The following TBC1D22A variants were observed in gnomAD, a reference collection of about 807,000 sequenced individuals.
The protein encoded by TBC1D22A is TBC1 domain family member 22A.
A neutral mutation model predicts 60.2 loss-of-function variants in TBC1D22A; 38 were observed. The ratio of observed to expected loss-of-function variants is 0.63; its 90% confidence interval spans 0.49 to 0.83. The LOEUF (loss-of-function observed/expected upper bound fraction) is 0.83. Ranked by LOEUF, TBC1D22A falls within the 40% of genes least tolerant of loss-of-function variation. The pLI is 0.00. For missense variants in TBC1D22A, 628 were observed against 701.0 expected (o/e 0.90, Z 1.18); for synonymous variants, 302 against 281.7 (o/e 1.07, Z -0.72).
At chr22:47,121,258 C>T (rs564295074) in intron 12 of TBC1D22A, among the ~76,000 whole-genome samples, 12 of 152,346 alleles carry the variant, frequency 7.9e-5, no homozygotes, top group African/African-American at 2.9e-4. Flanking sequence ...TGGCGTAAAG[C>T]AGGCATGCTG....
rs111796733 is a variant in TBC1D22A, at chr22:47,155,744, G to A, written c.1426-17754G>A. Among the ~76,000 whole-genome samples, 6 of 152,354 alleles carry A rather than the reference G, an allele frequency of 3.9e-5. No homozygotes were observed. In the East Asian group the frequency reaches 5.8e-4, roughly 15 times the overall value. On this transcript the variant is annotated intron_variant, in intron 12 of 12. Transcript: ENST00000337137. ...AGACAGAGGATGGGCTGGCGCCAGCGCAGACCCCCACCCGAGTGCCCACCC... is the reference window on the plus strand; with the variant it reads ...AGACAGAGGATGGGCTGGCGCCAGCACAGACCCCCACCCGAGTGCCCACCC...
At chr22:46,821,086 G>C (rs1169754004) in intron 4 of TBC1D22A, among the ~76,000 whole-genome samples, 12 of 141,132 alleles carry the variant, frequency 8.5e-5, no homozygotes, top group African/African-American at 3.2e-4. Flanking sequence ...CCATCTGCTT[G>C]GTATATTTTC....
intron 10 of TBC1D22A, among the ~76,000 whole-genome samples, chr22:47,025,014 G>A (rs1375589057): frequency 6.6e-6 from 1 of 152,216 alleles, no homozygotes; most frequent in Admixed American, 6.5e-5. Flanking sequence ...ATATTATCAA[G>A]TATCAAGAGG....
At chr22:46,932,720 C>CTTTTTTTTTGTTTTTTTT (rs2071422548) in intron 8 of TBC1D22A, among the ~76,000 whole-genome samples, 1 of 66,322 alleles carries the variant, frequency 1.5e-5, no homozygotes, top group Admixed American at 1.9e-4. Context: ...GTCCTTCTTG[C>CTTTTTTTTTGTTTTTTTT]TTTTTTTTTT....
At chr22:46,773,216 A>G (rs961579368) in intron 1 of TBC1D22A, among the ~76,000 whole-genome samples, 1 of 152,166 alleles carries the variant, frequency 6.6e-6, no homozygotes, top group Admixed American at 6.5e-5. Context: ...TTCTAGGTGC[A>G]GTGGGGAGCC....
intron 8 of TBC1D22A, among the ~76,000 whole-genome samples, chr22:46,950,466 C>T (rs1171428597): frequency 1.3e-5 from 2 of 152,158 alleles, no homozygotes; most frequent in African/African-American, 2.4e-5. Context: ...TTTCTGCCCC[C>T]GTTTTGAGGT....
At chr22:47,037,328 T>C in intron 11 of TBC1D22A, 130 bp downstream of exon 11, 2 of 1,345,188 alleles carry the variant, frequency 1.5e-6, no homozygotes, top group East Asian at 2.6e-5. Flanking sequence ...TGAAATGCGG[T>C]CTTTAAAAAG....
chr22:47,102,997 C>T (rs936833727), intron 11 of TBC1D22A, among the ~76,000 whole-genome samples: 5 of 152,088 alleles, frequency 3.3e-5, no homozygotes, highest in African/African-American at 4.8e-5. Context: ...TTGTTCAGGT[C>T]ACCTAAGGTA....
chr22:47,149,930 A>G (rs944443856), intron 12 of TBC1D22A, among the ~76,000 whole-genome samples: 4 of 152,058 alleles, frequency 2.6e-5, no homozygotes, highest in African/African-American at 9.7e-5. Flanking sequence ...TCAGCCTCAG[A>G]TGAACCCCTT....
intron 4 of TBC1D22A, among the ~76,000 whole-genome samples, chr22:46,812,768 A>G (rs1161330954): frequency 6.6e-6 from 1 of 152,220 alleles, no homozygotes; most frequent in Non-Finnish European, 1.5e-5. Context: ...TACTTGTCAA[A>G]TGTAGGGACT....
At chr22:47,171,840 C>T (rs531590615) in intron 12 of TBC1D22A, among the ~76,000 whole-genome samples, 18 of 152,220 alleles carry the variant, frequency 1.2e-4, no homozygotes, top group Admixed American at 9.2e-4. Flanking sequence ...GTCCGCATCC[C>T]GGCCTCCAGA....
intron 12 of TBC1D22A, among the ~76,000 whole-genome samples, chr22:47,171,788 T>A (rs2068465599): frequency 6.6e-6 from 1 of 152,164 alleles, no homozygotes; most frequent in Non-Finnish European, 1.5e-5. Context: ...TCCTTCCCCG[T>A]TGTGGCCTCA....
chr22:46,766,219 G>A (rs898308685), intron 1 of TBC1D22A, among the ~76,000 whole-genome samples: 20 of 151,960 alleles, frequency 1.3e-4, no homozygotes, highest in Admixed American at 1.2e-3. Context: ...GGATAGTCTC[G>A]ATCTCCTGAC....
intron 10 of TBC1D22A, among the ~76,000 whole-genome samples, chr22:47,025,301 A>G (rs2062217904): frequency 6.6e-6 from 1 of 152,180 alleles, no homozygotes; most frequent in Non-Finnish European, 1.5e-5. Flanking sequence ...ATTCTTTTTA[A>G]TTTTGCACAT....
intron 8 of TBC1D22A, among the ~76,000 whole-genome samples, chr22:46,930,690 C>G (rs562274781): frequency 1.3e-5 from 2 of 151,382 alleles, no homozygotes; most frequent in African/African-American, 4.9e-5. Context: ...GTCTCGATCT[C>G]CTGACCTCGT....
At chr22:47,016,976 G>T (rs930174016) in intron 10 of TBC1D22A, among the ~76,000 whole-genome samples, 3 of 152,202 alleles carry the variant, frequency 2.0e-5, no homozygotes, top group Admixed American at 1.3e-4. Flanking sequence ...TGTCTGACGC[G>T]CTCAGGCCTG....
At chr22:47,082,477 A>G (rs1196605280) in intron 11 of TBC1D22A, among the ~76,000 whole-genome samples, 3 of 152,200 alleles carry the variant, frequency 2.0e-5, no homozygotes, top group Non-Finnish European at 4.4e-5. Flanking sequence ...TATATTTATA[A>G]TACATACATC....
chr22:46,842,714 T>C (rs1051544377), intron 4 of TBC1D22A, among the ~76,000 whole-genome samples: 1 of 152,220 alleles, frequency 6.6e-6, no homozygotes, highest in Non-Finnish European at 1.5e-5. Flanking sequence ...TGCAGAACGT[T>C]CTCCAGGGCC....
chr22:46,976,914 G>C (rs2074321274), intron 9 of TBC1D22A, among the ~76,000 whole-genome samples: 1 of 152,184 alleles, frequency 6.6e-6, no homozygotes, highest in South Asian at 2.1e-4. Context: ...CCAGGAAGAG[G>C]GTCTTCAAGG....
Sources: gnomAD v4.1 joint callset for allele counts (sites outside exome capture counted in the v4.1 genomes callset) on GRCh38, gnomAD v4.1.1 for gene constraint, MANE v1.5 for transcripts, NCBI Gene and HGNC (gene_info 2026-07-23, HGNC 2026-07-21) for gene names.